R3HCC1: variants seen among roughly 807,000 people sequenced by gnomAD.
R3HCC1 encodes R3H domain and coiled-coil containing 1.
In R3HCC1, 32 loss-of-function variants were observed where a neutral mutation model predicts 40.0. The observed-to-expected ratio is 0.80, with a 90% CI of 0.60 to 1.07. The LOEUF is 1.07. R3HCC1 is among the 50% of genes least tolerant of loss of function. The pLI, the probability that R3HCC1 is intolerant of heterozygous loss-of-function variation, is 0.00. For synonymous variants in R3HCC1, 237 were observed against 232.8 expected (o/e 1.02, Z -0.17); for missense variants, 586 against 563.3 (o/e 1.04, Z -0.41).
rs1408646219 is a variant in R3HCC1 at position 23,289,117 on chromosome 8, G to A, written c.212G>A (p.Trp71Ter). Residue 71 changes from tryptophan (W) to a stop codon, truncating the protein, a stop_gained, in exon 3 of 8, where the codon TGG (tryptophan) becomes TAG (stop). Coordinates refer to ENST00000265806, the MANE Select transcript of R3HCC1 (RefSeq NM_001136108.3). LOFTEE classifies it high-confidence loss of function. ...AGCAGCTTCTCCGTTGGGGAGGGCTGGAAGAGGAGGACGGTCATCTGTCAC... is the reference window on the plus strand; with the variant it reads ...AGCAGCTTCTCCGTTGGGGAGGGCTAGAAGAGGAGGACGGTCATCTGTCAC... The A allele has an allele frequency of 6.5e-7, 1 of 1,536,358 alleles. No individual in the cohort carries two copies. The highest frequency in any genetic ancestry group is 8.7e-7 in the Non-Finnish European group (1 of 1,146,954).
In R3HCC1 at chr8:23,291,363, C is replaced by T; in HGVS notation, c.855C>T (p.Ile285=). 6.4e-7 allele frequency: 1 copy of T among 1,551,644 alleles called. No homozygotes were observed. The highest frequency in any genetic ancestry group is 2.4e-5 in the East Asian group (1 of 40,914). Residue 285 remains isoleucine, a splice_region_variant and synonymous_variant, in exon 5 of 8, where the codon ATC becomes ATT. Transcript: ENST00000265806. ...GCTAAGGGTCCGATCTCTCCTAGAT[C>T]ACAGACAACCTGACGAAGAAGGAGA...
rs1158564211 is a variant in R3HCC1, at chr8:23,290,119, GAA to G, written c.503_504del (p.Glu168GlyfsTer13). 3.9e-6 allele frequency: 6 copies of G among 1,551,276 alleles called. No homozygotes were observed. In the South Asian group the frequency reaches 7.1e-5, roughly 18 times the overall value. ...AGAGGCCCCAGCTGGCAGGGACCCA[GAA>G]GAGCCTGGAGATGTTGGTGCTGGAG... On this transcript the variant is annotated frameshift_variant, in exon 4 of 8. Transcript: ENST00000265806. LOFTEE classifies it high-confidence loss of function.
chr8:23,289,843 A>T (rs960917645), intron 3 of R3HCC1, 23 bp from the exon 4 acceptor site: 12 of 1,477,838 alleles, frequency 8.1e-6, no homozygotes, highest in Non-Finnish European at 9.8e-6. Flanking sequence ...CACTCTGATT[A>T]CCTCCTCCCA....
At position 23,294,756 on chromosome 8, in the gene R3HCC1, T is replaced by C; in HGVS notation, c.1097-13T>C. ...GAGGAGGGAGTGGCTCCACGCCTGC[T>C]TTCTTTCCACAGCTGCGGAAGCCCT... On this transcript the variant is annotated splice_polypyrimidine_tract_variant and intron_variant, in intron 6 of 7. Transcript: ENST00000265806. 1 of 1,549,880 alleles carries C rather than the reference T, an allele frequency of 6.5e-7. No individual in the cohort carries two copies. Among genetic ancestry groups the C allele is most frequent in the Non-Finnish European group, 8.7e-7 (1 of 1,146,134 alleles).
chr8:23,289,368 T>C (rs1035238170), intron 3 of R3HCC1, among the ~76,000 whole-genome samples: 4 of 152,220 alleles, frequency 2.6e-5, no homozygotes, highest in African/African-American at 4.8e-5. Flanking sequence ...ATCAGCTATA[T>C]GGTTGGGCCA....
At chr8:23,292,023 A>G (rs904485254) in intron 5 of R3HCC1, among the ~76,000 whole-genome samples, 31 of 152,066 alleles carry the variant, frequency 2.0e-4, no homozygotes, top group African/African-American at 6.0e-4. Flanking sequence ...CAGCTTCCCC[A>G]CATGCCTTTA....
Position 23,291,553 on chromosome 8 carries a change from G to T in R3HCC1, c.1025+20G>T. The T allele has an allele frequency of 6.5e-7, 1 of 1,549,486 alleles. No homozygotes were observed. The highest frequency in any genetic ancestry group is 8.7e-7 in the Non-Finnish European group (1 of 1,146,392). On this transcript the variant is annotated intron_variant, in intron 5 of 7. Transcript: ENST00000265806. ...GTTCCAGTGAGTGGTGGCTGGGGAGGTGCTGCCTTCAGAGAGGAGCTAAGA... is the reference window on the plus strand; with the variant it reads ...GTTCCAGTGAGTGGTGGCTGGGGAGTTGCTGCCTTCAGAGAGGAGCTAAGA...
chr8:23,289,826 C>G (rs989997710), intron 3 of R3HCC1, 40 bp from the exon 4 acceptor site: 64 of 1,461,192 alleles, frequency 4.4e-5, no homozygotes, highest in Non-Finnish European at 5.6e-5. Context: ...TCCTTTGGGC[C>G]CCTACACACT....
intron 3 of R3HCC1, 37 bp from the exon 4 acceptor site, chr8:23,289,829 T>G (rs1253344489): frequency 2.0e-6 from 3 of 1,467,806 alleles, no homozygotes; most frequent in Non-Finnish European, 2.7e-6. Context: ...TTTGGGCCCC[T>G]ACACACTCTG....
In R3HCC1 at chr8:23,296,204, CA is replaced by C. The variant is rs1245779198; in HGVS notation, c.*108del. ...GCAGCCCCGCACCACCCTCGAGCTT[CA>C]CCATGGGGTGTGGTGGGCTTTAGTT... On this transcript the variant is annotated 3_prime_UTR_variant, in exon 8 of 8. Transcript: ENST00000265806. The C allele has an allele frequency of 7.6e-7, 1 of 1,311,828 alleles. No homozygotes were observed. The highest frequency in any genetic ancestry group is 1.5e-5 in the African/African-American group (1 of 66,802). The allele number at this position is 1,311,828 out of a possible 1,614,324, so 81.3% of individuals were successfully genotyped here. A position where few individuals can be genotyped will look rare whatever the true frequency, so the allele number is the denominator to read the frequency against.
chr8:23,294,992 G>T (rs1802966827), intron 7 of R3HCC1, 128 bp downstream of exon 7: 3 of 737,374 alleles, frequency 4.1e-6, no homozygotes, highest in Non-Finnish European at 7.0e-6. Context: ...CTTCCCGCTT[G>T]ACTTCTCTGC....
chr8:23,294,042 C>G (rs535498271), intron 6 of R3HCC1, among the ~76,000 whole-genome samples: 42 of 152,294 alleles, frequency 2.8e-4, no homozygotes, highest in African/African-American at 9.6e-4. Context: ...TCTGAAAACC[C>G]GAGCTGGGGC....
chr8:23,292,600 C>T (rs1243596618), intron 5 of R3HCC1, among the ~76,000 whole-genome samples: 2 of 151,700 alleles, frequency 1.3e-5, no homozygotes, highest in Non-Finnish European at 1.5e-5. Flanking sequence ...GGTGACAGTG[C>T]GAGACTCCCT....
chr8:23,289,871 C>G lies in R3HCC1; in HGVS notation c.254C>G (p.Pro85Arg). Residue 85 changes from proline to arginine, a missense_variant, in exon 4 of 8, where the codon CCC becomes CGC. By Grantham distance (103) the Pro-to-Arg change is moderately radical. Transcript: ENST00000265806. ...TCCTCCCATTCCTGCTCCAGGGTACCCAGTTCGGATGGCCTCTCTGGCCCC... is the reference window on the plus strand; with the variant it reads ...TCCTCCCATTCCTGCTCCAGGGTACGCAGTTCGGATGGCCTCTCTGGCCCC... 6.6e-7 allele frequency: 1 copy of G among 1,512,390 alleles called. No individual in the cohort carries two copies. The highest frequency in any genetic ancestry group is 8.8e-7 in the Non-Finnish European group (1 of 1,133,656). The allele number at this position is 1,512,390 out of a possible 1,614,324, so 93.7% of individuals were successfully genotyped here.
chr8:23,294,919 G>C, intron 7 of R3HCC1, 55 bp downstream of exon 7: 1 of 1,268,074 alleles, frequency 7.9e-7, no homozygotes, highest in South Asian at 1.3e-5. Flanking sequence ...GTGTGCGTGC[G>C]AGCATGTGTG....
At position 23,294,769 on chromosome 8, in the gene R3HCC1, C is replaced by T. The variant is rs1451780465; in HGVS notation, c.1097C>T (p.Ala366Val). ...CTCCACGCCTGCTTTCTTTCCACAG[C>T]TGCGGAAGCCCTGACCCGGGAGTTC... is the stretch of plus-strand genomic sequence containing the variant. Residue 366 changes from alanine (A) to valine (V), a missense_variant and splice_region_variant, in exon 7 of 8, where the codon GCT becomes GTT. Ala to Val is a moderately conservative substitution (Grantham distance 64, BLOSUM62 0). Transcript: ENST00000265806. The T allele has an allele frequency of 6.4e-7, 1 of 1,550,768 alleles. No individual in the cohort carries two copies.
Position 23,290,253 on chromosome 8 carries a change from CCCTGAGCCTCTGGGG to C in R3HCC1, c.643_657del (p.Pro215_Glu219del). 1 of 1,551,698 alleles carries C rather than the reference CCCTGAGCCTCTGGGG, an allele frequency of 6.4e-7. No homozygotes were observed. The highest frequency in any genetic ancestry group is 8.7e-7 in the Non-Finnish European group (1 of 1,146,988). ...ATGAGCCACTGCTGGACCCTGTTGG[CCCTGAGCCTCTGGGG>C]CCTGAGAGTCAGTCAGGGAAGGGAG... On this transcript the variant is annotated inframe_deletion, in exon 4 of 8. Coordinates refer to ENST00000265806, the MANE Select transcript of R3HCC1 (RefSeq NM_001136108.3).
intron 5 of R3HCC1, among the ~76,000 whole-genome samples, chr8:23,291,915 G>A (rs1407683370): frequency 6.6e-6 from 1 of 152,194 alleles, no homozygotes; most frequent in Non-Finnish European, 1.5e-5. Context: ...CTCCATGTGG[G>A]AACTGTTTCT....
At chr8:23,291,199 G>A (rs1300415390) in intron 4 of R3HCC1, 162 bp from the exon 5 acceptor site, 13 of 975,700 alleles carry the variant, frequency 1.3e-5, no homozygotes, top group Admixed American at 2.9e-5. Context: ...AAACCCATGC[G>A]TCTTGACGTC....
Sources: allele counts gnomAD v4.1 joint callset (sites outside exome capture counted in the v4.1 genomes callset), GRCh38; gene constraint gnomAD v4.1.1; transcripts MANE v1.5; gene names NCBI Gene and HGNC (gene_info 2026-07-23, HGNC 2026-07-21).